The following RFTN1 variants were observed in gnomAD, a reference collection of about 807,000 sequenced individuals.
RFTN1 encodes the protein raftlin.
RFTN1 carries 26 observed loss-of-function variants against 46.5 expected under a neutral mutation model. The ratio of observed to expected loss-of-function variants is 0.56; its 90% CI spans 0.41 to 0.78. The LOEUF (loss-of-function observed/expected upper bound fraction) is 0.78. RFTN1 is among the 30% of genes least tolerant of loss of function. The pLI, the probability that RFTN1 is intolerant of heterozygous loss-of-function variation, is 0.00. For synonymous variants in RFTN1, 261 were observed against 284.2 expected (o/e 0.92, Z 0.82); for missense variants, 693 against 718.7 (o/e 0.96, Z 0.41).
chr3:16,444,723 C>T (rs2075695781), intron 2 of RFTN1, among the ~76,000 whole-genome samples: 1 of 152,188 alleles, frequency 6.6e-6, no homozygotes, highest in Non-Finnish European at 1.5e-5. Flanking sequence ...AAGCACTTGG[C>T]GAGCCCACCA....
intron 4 of RFTN1, among the ~76,000 whole-genome samples, chr3:16,404,227 T>C (rs189013871): frequency 4.9e-5 from 1 of 20,274 alleles, no homozygotes; most frequent in African/African-American, 2.1e-4. Flanking sequence ...ATATATATTT[T>C]ATATATAATA....
In RFTN1 at chr3:16,380,256, A is replaced by G. The variant is rs540008667; in HGVS notation, c.442-2154T>C. On this transcript the variant is annotated intron_variant, in intron 4 of 9. Transcript: ENST00000334133. The surrounding 1 kb of genome is among the most constrained non-coding windows in gnomAD (Gnocchi z 4.8). Reference sequence around the variant, plus strand: ...GTATAAAATGAGTGAAAACACACTTATTTTGCAGTTGCACTGAAACTTAGT... The same window carrying G: ...GTATAAAATGAGTGAAAACACACTTGTTTTGCAGTTGCACTGAAACTTAGT... Among the ~76,000 whole-genome samples, 6 of 152,322 alleles carry G rather than the reference A, an allele frequency of 3.9e-5. No individual in the cohort carries two copies. The East Asian group carries it at 1.2e-3, about 29-fold the overall frequency.
At chr3:16,409,299 TA>T in intron 4 of RFTN1, 75 bp downstream of exon 4, 1 of 1,008,604 alleles carries the variant, frequency 9.9e-7, no homozygotes, top group Non-Finnish European at 1.6e-6. Flanking sequence ...TGATCTGTCC[TA>T]AGGCAGCTAC....
At chr3:16,318,100 G>A (rs538004457) in intron 9 of RFTN1, among the ~76,000 whole-genome samples, 25 of 152,250 alleles carry the variant, frequency 1.6e-4, no homozygotes, top group African/African-American at 5.8e-4. Flanking sequence ...CCAAGGTCAC[G>A]CGGCCAGTAA....
chr3:16,459,821 A>G lies in RFTN1; in HGVS notation c.146-25784T>C, dbSNP rs1451838090. ...CCATTGTTGTTTATTTAAATGCTAG[A>G]AAAAAAATAAGATTTATATACAATA... On this transcript the variant is annotated intron_variant, in intron 2 of 9. Coordinates refer to ENST00000334133, the MANE Select transcript of RFTN1 (RefSeq NM_015150.2). This position sits in a 1 kb window ranked among gnomAD's most constrained non-coding sequence, Gnocchi z 4.2. 2.0e-5 allele frequency among the ~76,000 whole-genome samples: 3 copies of G among 151,760 alleles called. No individual in the cohort carries two copies. Among genetic ancestry groups the G allele is most frequent in the Non-Finnish European group, 2.9e-5 (2 of 67,876 alleles).
In RFTN1 at chr3:16,498,474, A is replaced by G. The variant is rs1488367416; in HGVS notation, c.-8-4597T>C. ...TTTCTTTGCTCATTCAAACTCTGTT[A>G]AATTTAATTTGTATCAAGTTTTTCT... On this transcript the variant is annotated intron_variant, in intron 1 of 9. Transcript: ENST00000334133. This position sits in a 1 kb window ranked among gnomAD's most constrained non-coding sequence, Gnocchi z 5.2. 6.6e-6 allele frequency among the ~76,000 whole-genome samples: 1 copy of G among 152,232 alleles called. No individual in the cohort carries two copies. The highest frequency in any genetic ancestry group is 2.4e-5 in the African/African-American group (1 of 41,466).
chr3:16,327,055 A>G lies in RFTN1; in HGVS notation c.1147-179T>C, dbSNP rs909673686. On this transcript the variant is annotated intron_variant, in intron 7 of 9. Transcript: ENST00000334133. The surrounding 1 kb of genome is among the most constrained non-coding windows in gnomAD (Gnocchi z 4.2). ...TTTAAAAGTTTGGAGTCAAACTGCC[A>G]ACATGGGATTTCCTTCTGGGCCCCA... Among the ~76,000 whole-genome samples, 8 of 152,236 alleles carry G rather than the reference A, an allele frequency of 5.3e-5. No individual in the cohort carries two copies. Among genetic ancestry groups the G allele is most frequent in the African/African-American group, 1.4e-4 (6 of 41,464 alleles).
chr3:16,368,622 G>C (rs1056450496), intron 6 of RFTN1, among the ~76,000 whole-genome samples: 3 of 146,560 alleles, frequency 2.0e-5, no homozygotes, highest in African/African-American at 7.6e-5. Context: ...AGTGAGCCGA[G>C]ATCGCGCCAC....
chr3:16,485,200 G>A (rs552638771), intron 2 of RFTN1, among the ~76,000 whole-genome samples: 5 of 151,484 alleles, frequency 3.3e-5, no homozygotes, highest in Non-Finnish European at 7.4e-5. Context: ...GCCCCAAACT[G>A]GAAATTTCCC....
In RFTN1 at chr3:16,337,927, TATG is replaced by T. The variant is rs2125276652; in HGVS notation, c.1147-11054_1147-11052del. Among the ~76,000 whole-genome samples the T allele has an allele frequency of 6.6e-6, 1 of 152,226 alleles. No homozygotes were observed. The highest frequency in any genetic ancestry group is 2.1e-4 in the South Asian group (1 of 4,820). On this transcript the variant is annotated intron_variant, in intron 7 of 9. Coordinates refer to ENST00000334133, the MANE Select transcript of RFTN1 (RefSeq NM_015150.2). The surrounding 1 kb of genome is among the most constrained non-coding windows in gnomAD (Gnocchi z 5.0). ...ACCTCTGGAGCCCTGAAGTCTAATT[TATG>T]ATAACCTACTGTGAGGCCCAGCAGT...
rs79915962 is a variant in RFTN1, at chr3:16,500,078, C to T, written c.-8-6201G>A. Among the ~76,000 whole-genome samples the T allele has an allele frequency of 2.4e-3, 372 of 152,312 alleles. 2 individuals carry two copies. The highest frequency in any genetic ancestry group is 4.4e-3 in the Non-Finnish European group (298 of 68,024). On this transcript the variant is annotated intron_variant, in intron 1 of 9. Coordinates refer to ENST00000334133, the MANE Select transcript of RFTN1 (RefSeq NM_015150.2). The surrounding 1 kb of genome is among the most constrained non-coding windows in gnomAD (Gnocchi z 5.9). Reference sequence around the variant, plus strand: ...GCCCACTAGGTGGAATCATGCCCAGCGGTGCTATTCACTGACTTTTTCTCT... The same window carrying T: ...GCCCACTAGGTGGAATCATGCCCAGTGGTGCTATTCACTGACTTTTTCTCT...
At chr3:16,420,701 A>C (rs2075167630) in intron 3 of RFTN1, among the ~76,000 whole-genome samples, 1 of 152,258 alleles carries the variant, frequency 6.6e-6, no homozygotes, top group African/African-American at 2.4e-5. Context: ...TGAGCACCTG[A>C]AATTCAGCCA....
At chr3:16,340,074 A>C (rs1442218978) in intron 7 of RFTN1, among the ~76,000 whole-genome samples, 4 of 152,228 alleles carry the variant, frequency 2.6e-5, no homozygotes, top group Non-Finnish European at 5.9e-5. Flanking sequence ...ACAGTCATGT[A>C]CTGGCCATAA....
chr3:16,435,086 G>C (rs1038734362), intron 2 of RFTN1, among the ~76,000 whole-genome samples: 30 of 152,284 alleles, frequency 2.0e-4, no homozygotes, highest in African/African-American at 7.0e-4. Context: ...CTACATCCTA[G>C]CCCTATCCTC....
rs1025733196 is a variant in RFTN1 at position 16,337,301 on chromosome 3, G to C, written c.1147-10425C>G. 6.6e-6 allele frequency: 1 copy of C among 152,212 alleles called. No individual in the cohort carries two copies. Among genetic ancestry groups the C allele is most frequent in the Non-Finnish European group, 1.5e-5 (1 of 68,040 alleles). 9.4% of individuals were successfully genotyped at this position (152,212 alleles called of 1,614,324 possible). ...AAGTTGAAGGAAAAATCACCCAGCT[G>C]ACCTGTTTGGGTTATGATTTTAACT... is the stretch of plus-strand genomic sequence containing the variant. On this transcript the variant is annotated intron_variant, in intron 7 of 9. Coordinates refer to ENST00000334133, the MANE Select transcript of RFTN1 (RefSeq NM_015150.2). This position sits in a 1 kb window ranked among gnomAD's most constrained non-coding sequence, Gnocchi z 5.0.
At chr3:16,334,000 C>A (rs1228282166) in intron 7 of RFTN1, among the ~76,000 whole-genome samples, 3 of 151,968 alleles carry the variant, frequency 2.0e-5, no homozygotes, top group African/African-American at 7.3e-5. Context: ...CCCGTCTCTA[C>A]TAAAAATTTA....
At chr3:16,404,518 G>T (rs1386387548) in intron 4 of RFTN1, among the ~76,000 whole-genome samples, 1 of 147,470 alleles carries the variant, frequency 6.8e-6, no homozygotes, top group East Asian at 2.0e-4. Flanking sequence ...TGACTCACTA[G>T]AGCTCGCCAG....
Position 16,336,214 on chromosome 3 carries a change from G to A in RFTN1, c.1147-9338C>T, listed in dbSNP as rs1478527219. On this transcript the variant is annotated intron_variant, in intron 7 of 9. Transcript: ENST00000334133. This position sits in a 1 kb window ranked among gnomAD's most constrained non-coding sequence, Gnocchi z 6.0. ...CACGTGGCCCTCAGGATGCTAAAGG[G>A]CAGGGCTATGCCTGGTATCACTGTT... Among the ~76,000 whole-genome samples the A allele has an allele frequency of 6.6e-6, 1 of 152,254 alleles. No individual in the cohort carries two copies. The highest frequency in any genetic ancestry group is 1.9e-4 in the East Asian group (1 of 5,204).
chr3:16,462,176 T>C (rs2076017665), intron 2 of RFTN1, among the ~76,000 whole-genome samples: 1 of 152,232 alleles, frequency 6.6e-6, no homozygotes. Context: ...CTGAGTCCTC[T>C]TCTGTACAAT....
Sources: gnomAD v4.1 joint callset for allele counts (sites outside exome capture counted in the v4.1 genomes callset) on GRCh38, gnomAD v4.1.1 for gene constraint, Gnocchi (gnomAD v3.1) non-coding constraint, MANE v1.5 for transcripts, NCBI Gene and HGNC (gene_info 2026-07-23, HGNC 2026-07-21) for gene names.